The following CTNND2 variants were observed in gnomAD, a reference collection of about 807,000 sequenced individuals.
The protein encoded by CTNND2 is catenin delta-2.
In CTNND2, 22 loss-of-function variants were observed where a neutral mutation model predicts 144.4. The ratio of observed to expected loss-of-function variants is 0.15; its 90% confidence interval spans 0.11 to 0.22. The LOEUF (loss-of-function observed/expected upper bound fraction) is 0.22, where lower values mean the gene tolerates loss of function less well. CTNND2 is among the 10% of genes least tolerant of loss of function. CTNND2 has a pLI of 1.00. For missense variants in CTNND2, 1,353 were observed against 1,618.8 expected, an observed-to-expected ratio of 0.84 and a Z score of 2.82; for synonymous variants, 751 against 695.6, an observed-to-expected ratio of 1.08 and a Z score of -1.25.
intron 2 of CTNND2, among the ~76,000 whole-genome samples, chr5:11,675,789 GT>G (rs1784145243): frequency 6.6e-6 from 1 of 151,740 alleles, no homozygotes; most frequent in African/African-American, 2.4e-5. Context: ...TGGAGGCTTT[GT>G]TCATTTCCTT....
At chr5:11,879,300 T>C (rs529272225) in intron 1 of CTNND2, among the ~76,000 whole-genome samples, 17 of 133,994 alleles carry the variant, frequency 1.3e-4, no homozygotes, top group African/African-American at 3.9e-4. Context: ...AAATGAAATA[T>C]AAAAATCAGA....
intron 16 of CTNND2, among the ~76,000 whole-genome samples, chr5:11,066,476 C>T (rs1747617320): frequency 1.3e-5 from 2 of 151,490 alleles, no homozygotes; most frequent in Admixed American, 1.3e-4. Flanking sequence ...CACCCTGACC[C>T]CTGCCATCCC....
chr5:11,417,910 G>GA (rs1208053442), intron 3 of CTNND2, among the ~76,000 whole-genome samples: 3 of 152,100 alleles, frequency 2.0e-5, no homozygotes, highest in African/African-American at 7.2e-5. Context: ...TCCAGTAATA[G>GA]AAAAATAAAC....
At chr5:11,878,158 T>C (rs1167500466) in intron 1 of CTNND2, among the ~76,000 whole-genome samples, 1 of 152,238 alleles carries the variant, frequency 6.6e-6, no homozygotes, top group East Asian at 1.9e-4. Context: ...AAAAATGTGA[T>C]TATATCCTTT....
chr5:11,471,572 G>A (rs1767241348), intron 3 of CTNND2, among the ~76,000 whole-genome samples: 1 of 152,154 alleles, frequency 6.6e-6, no homozygotes, highest in Non-Finnish European at 1.5e-5. Context: ...AACAGTAAAT[G>A]CTAAACAAAT....
At chr5:11,336,620 A>C (rs1389005871) in intron 9 of CTNND2, among the ~76,000 whole-genome samples, 2 of 152,210 alleles carry the variant, frequency 1.3e-5, no homozygotes, top group African/African-American at 2.4e-5. Context: ...GGATAAATGC[A>C]TGCAGAGCCA....
intron 2 of CTNND2, among the ~76,000 whole-genome samples, chr5:11,583,599 T>C (rs770379096): frequency 2.0e-5 from 3 of 152,192 alleles, no homozygotes; most frequent in Non-Finnish European, 2.9e-5. Context: ...TGTAGGGCCC[T>C]TGTGAAAGTT....
At chr5:11,227,470 C>T (rs1312388457) in intron 10 of CTNND2, among the ~76,000 whole-genome samples, 1 of 152,138 alleles carries the variant, frequency 6.6e-6, no homozygotes, top group Non-Finnish European at 1.5e-5. Context: ...GAAATACAGG[C>T]TCTTTTCCAA....
At chr5:11,618,917 A>G (rs1421237811) in intron 2 of CTNND2, among the ~76,000 whole-genome samples, 2 of 152,230 alleles carry the variant, frequency 1.3e-5, no homozygotes, top group East Asian at 3.8e-4. Flanking sequence ...TTAAGTAACT[A>G]GAAACCATAT....
intron 2 of CTNND2, among the ~76,000 whole-genome samples, chr5:11,675,034 G>C (rs964947862): frequency 1.3e-5 from 2 of 152,098 alleles, no homozygotes; most frequent in African/African-American, 4.8e-5. Flanking sequence ...GTTATTGCAG[G>C]TTGCATTCCC....
intron 2 of CTNND2, among the ~76,000 whole-genome samples, chr5:11,715,369 CA>C (rs1041973060): frequency 6.6e-6 from 1 of 152,110 alleles, no homozygotes. Context: ...AACACACAAA[CA>C]AAAAACAAGG....
intron 1 of CTNND2, among the ~76,000 whole-genome samples, chr5:11,804,640 T>C (rs1208287585): frequency 1.3e-5 from 2 of 152,052 alleles, no homozygotes; most frequent in Non-Finnish European, 2.9e-5. Flanking sequence ...TATTCTAGAA[T>C]AGGAAAACTA....
rs188917769 is a variant in CTNND2 at position 11,548,197 on chromosome 5, T to C, written c.287+16747A>G. Among the ~76,000 whole-genome samples, 700 of 152,326 alleles carry C rather than the reference T, an allele frequency of 4.6e-3. 1 individual carries two copies. The highest frequency in any genetic ancestry group is 8.4e-3 in the Non-Finnish European group (570 of 68,036). Reference sequence around the variant, plus strand: ...CAGGCAAACCACGTAATACTTTACTTATTAGGATGCATATGTGTGAGAAAA... The same window carrying C: ...CAGGCAAACCACGTAATACTTTACTCATTAGGATGCATATGTGTGAGAAAA... On this transcript the variant is annotated intron_variant, in intron 3 of 21. Coordinates refer to ENST00000304623, the MANE Select transcript of CTNND2 (RefSeq NM_001332.4).
At chr5:11,700,795 T>C (rs934604529) in intron 2 of CTNND2, among the ~76,000 whole-genome samples, 2 of 152,104 alleles carry the variant, frequency 1.3e-5, no homozygotes, top group African/African-American at 4.8e-5. Context: ...GACCTTGAAA[T>C]AAGAATCTGA....
At chr5:11,119,952 T>A (rs1753920476) in intron 12 of CTNND2, among the ~76,000 whole-genome samples, 1 of 152,134 alleles carries the variant, frequency 6.6e-6, no homozygotes, top group African/African-American at 2.4e-5. Context: ...CAGCCCTAAT[T>A]TCACTGGTAA....
chr5:11,028,529 C>T (rs547635901), intron 16 of CTNND2, among the ~76,000 whole-genome samples: 116 of 152,230 alleles, frequency 7.6e-4, no homozygotes, highest in Non-Finnish European at 1.1e-3. Context: ...AAACAACTCC[C>T]CAACCCTTCC....
intron 9 of CTNND2, among the ~76,000 whole-genome samples, chr5:11,308,977 A>T (rs951927954): frequency 2.0e-5 from 3 of 152,198 alleles, no homozygotes; most frequent in African/African-American, 7.2e-5. Flanking sequence ...ACACACTTTT[A>T]AACAACCAGG....
chr5:11,492,487 A>G (rs916913112), intron 3 of CTNND2, among the ~76,000 whole-genome samples: 1 of 142,500 alleles, frequency 7.0e-6, no homozygotes, highest in African/African-American at 2.7e-5. Flanking sequence ...ATCTCTTTCT[A>G]CAGCTATATA....
intron 3 of CTNND2, among the ~76,000 whole-genome samples, chr5:11,438,936 C>G (rs952038013): frequency 1.3e-5 from 2 of 152,038 alleles, no homozygotes; most frequent in East Asian, 3.9e-4. Context: ...TAAAAAGTGG[C>G]TACTTTAAGT....
Sources: gnomAD v4.1 joint callset for allele counts (sites outside exome capture counted in the v4.1 genomes callset) on GRCh38, gnomAD v4.1.1 for gene constraint, MANE v1.5 for transcripts, NCBI Gene and HGNC (gene_info 2026-07-23, HGNC 2026-07-21) for gene names.